Variants in EHD1 observed in about 807,000 individuals in gnomAD.
The protein encoded by EHD1 is EH domain-containing protein 1.
In EHD1, 19 loss-of-function variants were observed where a neutral mutation model predicts 39.0. That is an observed-to-expected ratio of 0.49 (90% CI 0.34 to 0.72). The LOEUF is 0.72. Among genes scored for constraint, EHD1 ranks in the 30% least tolerant of loss-of-function variants. The pLI, the probability that EHD1 is intolerant of heterozygous loss-of-function variation, is 0.01. For synonymous variants in EHD1, 323 were observed against 331.2 expected (o/e 0.98, Z 0.27); for missense variants, 542 against 751.5 (o/e 0.72, Z 3.26).
intron 2 of EHD1, among the ~76,000 whole-genome samples, chr11:64,874,017 C>T (rs1040180654): frequency 6.7e-6 from 1 of 150,004 alleles, no homozygotes; most frequent in Non-Finnish European, 1.5e-5. Flanking sequence ...GAAGAAATCT[C>T]GAGGGCAGCC....
intron 1 of EHD1, chr11:64,877,834 T>C (rs1943901414): frequency 2.4e-6 from 1 of 415,354 alleles, no homozygotes; most frequent in Non-Finnish European, 4.2e-6. Context: ...CCCTGGAAGA[T>C]TCTGGGGAGG....
At chr11:64,879,225 G>T, upstream of EHD1, 1 of 1,095,546 alleles carries the variant, frequency 9.1e-7, no homozygotes, top group South Asian at 2.7e-5. Context: ...AATCCGGGGC[G>T]GGCTGGTGAC....
chr11:64,878,830 C>G, upstream of EHD1: 5 of 1,150,324 alleles, frequency 4.3e-6, no homozygotes, highest in Non-Finnish European at 5.4e-6. Flanking sequence ...CCGTGGCAAC[C>G]GCACCTGTTT....
At chr11:64,876,402 G>GC (rs1432671057) in intron 1 of EHD1, among the ~76,000 whole-genome samples, 1 of 152,240 alleles carries the variant, frequency 6.6e-6, no homozygotes, top group Non-Finnish European at 1.5e-5. Context: ...TTTCGGCAGG[G>GC]CCATCAGTGA....
At chr11:64,866,255 A>C (rs1592750062) in intron 2 of EHD1, among the ~76,000 whole-genome samples, 2 of 152,348 alleles carry the variant, frequency 1.3e-5, no homozygotes. Flanking sequence ...TAACACTAGA[A>C]TAGAAAACCA....
intron 1 of EHD1, among the ~76,000 whole-genome samples, chr11:64,874,844 C>A (rs1027098784): frequency 6.6e-6 from 1 of 152,214 alleles, no homozygotes; most frequent in Non-Finnish European, 1.5e-5. Flanking sequence ...CCATTCAGTT[C>A]GGAGGGGAAG....
intron 2 of EHD1, among the ~76,000 whole-genome samples, chr11:64,870,622 G>A (rs934123612): frequency 1.3e-5 from 2 of 152,242 alleles, no homozygotes; most frequent in African/African-American, 4.8e-5. Context: ...CTCCCGCTTA[G>A]TTCACAGTTG....
intron 2 of EHD1, among the ~76,000 whole-genome samples, chr11:64,864,184 C>T (rs1330432730): frequency 1.3e-5 from 2 of 152,226 alleles, no homozygotes; most frequent in African/African-American, 4.8e-5. Flanking sequence ...AGCTTCTTAA[C>T]AGGGTAGCAG....
chr11:64,862,288 T>A (rs900141695), intron 2 of EHD1, among the ~76,000 whole-genome samples: 15 of 152,348 alleles, frequency 9.8e-5, no homozygotes, highest in African/African-American at 3.6e-4. Flanking sequence ...TTCTGTCGCC[T>A]GTGGCAGAGA....
At position 64,861,063 on chromosome 11, in the gene EHD1, GT is replaced by G. The variant is rs573657831; in HGVS notation, c.503-728del. Among the ~76,000 whole-genome samples, 1,394 of 150,770 alleles carry G rather than the reference GT, an allele frequency of 9.2e-3. 28 individuals are homozygous for G. Among genetic ancestry groups the G allele is most frequent in the Middle Eastern group, 0.014 (4 of 292 alleles). ...TAGCCGGGTGTGGTGGCACATGCCT[GT>G]AGTCCTAGCTACTCAGGAGGCTGAT... On this transcript the variant is annotated intron_variant, in intron 2 of 4. Coordinates refer to ENST00000320631, the MANE Select transcript of EHD1 (RefSeq NM_006795.4).
At chr11:64,861,808 C>T (rs1339231843) in intron 2 of EHD1, among the ~76,000 whole-genome samples, 2 of 152,192 alleles carry the variant, frequency 1.3e-5, no homozygotes, top group Admixed American at 1.3e-4. Context: ...GGAAGTGCTA[C>T]GAACCACTTC....
intron 2 of EHD1, among the ~76,000 whole-genome samples, chr11:64,874,079 G>C (rs548094590): frequency 6.6e-6 from 1 of 151,118 alleles, no homozygotes; most frequent in African/African-American, 2.4e-5. Flanking sequence ...GCCAAGGCGG[G>C]CAGATCATGA....
At chr11:64,862,607 C>T (rs1165227269) in intron 2 of EHD1, among the ~76,000 whole-genome samples, 1 of 152,182 alleles carries the variant, frequency 6.6e-6, no homozygotes, top group Admixed American at 6.5e-5. Flanking sequence ...GTCTCTGTAA[C>T]AGCGGTTTTG....
intron 3 of EHD1, among the ~76,000 whole-genome samples, chr11:64,857,854 G>T (rs982712048): frequency 6.6e-6 from 1 of 152,094 alleles, no homozygotes; most frequent in African/African-American, 2.4e-5. Flanking sequence ...AAGCCTTCAT[G>T]CCCACATGAT....
At chr11:64,863,479 G>T (rs2136485403) in intron 2 of EHD1, among the ~76,000 whole-genome samples, 1 of 152,360 alleles carries the variant, frequency 6.6e-6, no homozygotes, top group African/African-American at 2.4e-5. Context: ...CCCCTTGGTG[G>T]CATCCGCTGC....
chr11:64,858,925 G>A (rs1458230523), intron 3 of EHD1, among the ~76,000 whole-genome samples: 6 of 152,218 alleles, frequency 3.9e-5, no homozygotes, highest in Non-Finnish European at 4.4e-5. Context: ...AACTGACACT[G>A]CCTCAGCGTG....
chr11:64,877,977 G>A (rs916732816), intron 1 of EHD1, 84 bp downstream of exon 1: 2 of 1,372,780 alleles, frequency 1.5e-6, no homozygotes, highest in Non-Finnish European at 1.9e-6. Flanking sequence ...AGGACGGCGG[G>A]GCGACAGCCA....
intron 2 of EHD1, among the ~76,000 whole-genome samples, chr11:64,867,330 A>G (rs190636262): frequency 6.6e-6 from 1 of 151,798 alleles, no homozygotes; most frequent in East Asian, 1.9e-4. Context: ...GAGGCAGGAG[A>G]ACTGCTGGAA....
At position 64,868,382 on chromosome 11, in the gene EHD1, C is replaced by T. The variant is rs1483230947; in HGVS notation, c.502+6039G>A. Reference sequence around the variant, plus strand: ...AGAGCAGCAGCAGCACACGCCCACACGAACCACGTACTTGACTCAAAACTG... The same window carrying T: ...AGAGCAGCAGCAGCACACGCCCACATGAACCACGTACTTGACTCAAAACTG... On this transcript the variant is annotated intron_variant, in intron 2 of 4. Coordinates refer to ENST00000320631, the MANE Select transcript of EHD1 (RefSeq NM_006795.4). The surrounding 1 kb of genome is among the most constrained non-coding windows in gnomAD (Gnocchi z 4.2). Among the ~76,000 whole-genome samples, 1 of 152,140 alleles carries T rather than the reference C, an allele frequency of 6.6e-6. No homozygotes were observed. The highest frequency in any genetic ancestry group is 1.5e-5 in the Non-Finnish European group (1 of 68,040).
Sources: gnomAD v4.1 joint callset for allele counts (sites outside exome capture counted in the v4.1 genomes callset) on GRCh38, gnomAD v4.1.1 for gene constraint, Gnocchi (gnomAD v3.1) non-coding constraint, MANE v1.5 for transcripts, NCBI Gene and HGNC (gene_info 2026-07-23, HGNC 2026-07-21) for gene names.